Variants in HECW1 observed in about 807,000 individuals in gnomAD.
HECW1 encodes HECT, C2 and WW domain containing E3 ubiquitin protein ligase 1, also known as E3 ubiquitin-protein ligase HECW1.
In HECW1, 61 loss-of-function variants were observed where a neutral mutation model predicts 182.3. The ratio of observed to expected loss-of-function variants is 0.33; its 90% CI spans 0.27 to 0.41. The LOEUF is 0.41. Ranked by LOEUF, HECW1 falls within the 10% of genes least tolerant of loss-of-function variation. The pLI, the probability that HECW1 is intolerant of heterozygous loss-of-function variation, is 1.00. For synonymous variants in HECW1, 859 were observed against 832.6 expected, an observed-to-expected ratio of 1.03 and a Z score of -0.55; for missense variants, 1,739 against 2,108.9, an observed-to-expected ratio of 0.82 and a Z score of 3.44.
At chr7:43,309,644 C>T (rs1480823165) in intron 3 of HECW1, among the ~76,000 whole-genome samples, 2 of 152,204 alleles carry the variant, frequency 1.3e-5, no homozygotes, top group African/African-American at 4.8e-5. Context: ...CAATCGTAAA[C>T]CTTACAAATA....
At chr7:43,116,512 G>C (rs1302983503) in intron 2 of HECW1, among the ~76,000 whole-genome samples, 1 of 152,190 alleles carries the variant, frequency 6.6e-6, no homozygotes, top group Admixed American at 6.5e-5. Context: ...ATGACCTACA[G>C]TTAGACCAGA....
Position 43,363,498 on chromosome 7 carries a change from G to C in HECW1, c.555+2518G>C, listed in dbSNP as rs113103822. ...TGTCACACAAATCAGTAGACACTTG[G>C]GTTGACACTTGAATGTACATCCTGC... On this transcript the variant is annotated intron_variant, in intron 6 of 29. Transcript: ENST00000395891. Among the ~76,000 whole-genome samples the C allele has an allele frequency of 5.7e-3, 870 of 152,194 alleles. 10 individuals carry two copies. Among genetic ancestry groups the C allele is most frequent in the African/African-American group, 0.02 (834 of 41,522 alleles).
At chr7:43,459,941 T>G (rs1362210760) in intron 13 of HECW1, among the ~76,000 whole-genome samples, 2 of 152,248 alleles carry the variant, frequency 1.3e-5, no homozygotes, top group Non-Finnish European at 2.9e-5. Context: ...TATTCTTTTT[T>G]CACTTACTAC....
At chr7:43,229,269 T>C (rs1197139052) in intron 2 of HECW1, among the ~76,000 whole-genome samples, 1 of 152,134 alleles carries the variant, frequency 6.6e-6, no homozygotes, top group African/African-American at 2.4e-5. Context: ...TTGATGAGTC[T>C]CCTAAGATCC....
intron 17 of HECW1, among the ~76,000 whole-genome samples, chr7:43,483,340 T>C (rs1345569999): frequency 6.6e-6 from 1 of 152,050 alleles, no homozygotes; most frequent in African/African-American, 2.4e-5. Context: ...ATCCATTAAA[T>C]GTCAGGAGTG....
At chr7:43,335,499 C>G (rs62458229) in intron 5 of HECW1, among the ~76,000 whole-genome samples, 3 of 152,278 alleles carry the variant, frequency 2.0e-5, no homozygotes, top group Non-Finnish European at 4.4e-5. Context: ...ATCTGCAAAC[C>G]AGGAAGAGAG....
intron 2 of HECW1, among the ~76,000 whole-genome samples, chr7:43,202,053 C>T (rs1326261645): frequency 2.0e-5 from 3 of 152,198 alleles, no homozygotes; most frequent in African/African-American, 2.4e-5. Flanking sequence ...CTGAACTACT[C>T]ATGATGCTCC....
At chr7:43,385,387 C>T (rs1455549657) in intron 6 of HECW1, among the ~76,000 whole-genome samples, 2 of 149,776 alleles carry the variant, frequency 1.3e-5, no homozygotes, top group East Asian at 4.0e-4. Context: ...GTCTCTCTGC[C>T]TCTGTCTTCT....
intron 3 of HECW1, among the ~76,000 whole-genome samples, chr7:43,251,111 C>T (rs2152726337): frequency 6.6e-6 from 1 of 152,254 alleles, no homozygotes. Context: ...CTTTCTCTCC[C>T]AGTCATTTTA....
At chr7:43,347,069 A>G (rs1813780404) in intron 5 of HECW1, among the ~76,000 whole-genome samples, 2 of 152,166 alleles carry the variant, frequency 1.3e-5, no homozygotes, top group Non-Finnish European at 2.9e-5. Flanking sequence ...TTGAATTTGT[A>G]GATTGCTTTT....
chr7:43,171,015 C>T (rs1562627394), intron 2 of HECW1, among the ~76,000 whole-genome samples: 1 of 152,160 alleles, frequency 6.6e-6, no homozygotes, highest in Non-Finnish European at 1.5e-5. Flanking sequence ...GTCGCATTTT[C>T]GCTTCCTTAC....
chr7:43,531,465 G>A (rs760455786), intron 24 of HECW1, among the ~76,000 whole-genome samples: 7 of 152,188 alleles, frequency 4.6e-5, no homozygotes, highest in Admixed American at 6.5e-5. Context: ...TAAGTTTGTT[G>A]AAATTGGAAA....
At chr7:43,430,587 T>C (rs2076513937) in intron 8 of HECW1, among the ~76,000 whole-genome samples, 1 of 152,122 alleles carries the variant, frequency 6.6e-6, no homozygotes, top group Non-Finnish European at 1.5e-5. Context: ...ACAGAGCTGT[T>C]TAAGCCGATT....
chr7:43,346,745 G>A (rs1296167852), intron 5 of HECW1, among the ~76,000 whole-genome samples: 1 of 152,128 alleles, frequency 6.6e-6, no homozygotes, highest in Non-Finnish European at 1.5e-5. Context: ...TTGTTGAAAA[G>A]GGCATCCTTT....
At chr7:43,311,529 T>C (rs551511998) in intron 3 of HECW1, 10 of 719,948 alleles carry the variant, frequency 1.4e-5, no homozygotes, top group Non-Finnish European at 2.3e-5. Flanking sequence ...CAACAAAACA[T>C]GGAAACGCAG....
intron 6 of HECW1, among the ~76,000 whole-genome samples, chr7:43,383,696 G>A (rs989266273): frequency 1.3e-5 from 2 of 152,146 alleles, no homozygotes; most frequent in Admixed American, 1.3e-4. Context: ...CTAAGAAAAT[G>A]CAGTTGGCCC....
intron 6 of HECW1, among the ~76,000 whole-genome samples, chr7:43,371,985 A>G (rs2074125258): frequency 6.6e-6 from 1 of 151,902 alleles, no homozygotes; most frequent in African/African-American, 2.4e-5. Flanking sequence ...ACGCCCCGCT[A>G]ATTTTTTTGT....
intron 2 of HECW1, among the ~76,000 whole-genome samples, chr7:43,216,724 AG>A (rs1022378522): frequency 1.3e-4 from 19 of 151,792 alleles, no homozygotes; most frequent in African/African-American, 4.3e-4. Flanking sequence ...ACGTGAACTC[AG>A]CTCACTGCAA....
intron 3 of HECW1, among the ~76,000 whole-genome samples, chr7:43,295,322 T>C: frequency 6.6e-6 from 1 of 152,168 alleles, no homozygotes. Flanking sequence ...TATGGCTTTT[T>C]TATCTTTGTA....
Sources: gnomAD v4.1 joint callset for allele counts (sites outside exome capture counted in the v4.1 genomes callset) on GRCh38, gnomAD v4.1.1 for gene constraint, MANE v1.5 for transcripts, NCBI Gene and HGNC (gene_info 2026-07-23, HGNC 2026-07-21) for gene names.